Variants in GABRG2 observed in about 807,000 individuals in gnomAD.
GABRG2 encodes gamma-aminobutyric acid type A receptor subunit gamma2.
Under a neutral mutation model 56.4 loss-of-function variants are expected in GABRG2, and 16 were observed. The ratio of observed to expected loss-of-function variants is 0.28; its 90% CI spans 0.19 to 0.43. GABRG2 has a LOEUF of 0.43. Among genes scored for constraint, GABRG2 ranks in the 20% least tolerant of loss-of-function variants. The pLI, the probability that GABRG2 is intolerant of heterozygous loss-of-function variation, is 1.00. For missense variants in GABRG2, 327 were observed against 582.7 expected, an observed-to-expected ratio of 0.56 and a Z score of 4.52; for synonymous variants, 208 against 205.5, an observed-to-expected ratio of 1.01 and a Z score of -0.10.
intron 6 of GABRG2, among the ~76,000 whole-genome samples, chr5:162,138,104 C>T (rs1434275443): frequency 2.6e-5 from 4 of 151,904 alleles, no homozygotes; most frequent in African/African-American, 9.7e-5. Flanking sequence ...CACAGTCGAC[C>T]CCATAACTTT....
chr5:162,125,404 G>T (rs553910660), intron 6 of GABRG2, among the ~76,000 whole-genome samples: 3 of 150,336 alleles, frequency 2.0e-5, no homozygotes, highest in South Asian at 2.1e-4. Flanking sequence ...AGAGTGTCTG[G>T]ATTCTAGTGG....
At chr5:162,149,368 T>A in intron 8 of GABRG2, 55 bp downstream of exon 8, 3 of 1,552,480 alleles carry the variant, frequency 1.9e-6, no homozygotes, top group Non-Finnish European at 2.7e-6. Context: ...CGGTTTAGTT[T>A]GTTTTCATTA....
intron 1 of GABRG2, among the ~76,000 whole-genome samples, chr5:162,092,818 G>T (rs1760704042): frequency 6.6e-6 from 1 of 152,084 alleles, no homozygotes; most frequent in African/African-American, 2.4e-5. Flanking sequence ...TTTTAAGTTT[G>T]CATTTTTAAA....
At chr5:162,126,489 T>C (rs745549543) in intron 6 of GABRG2, among the ~76,000 whole-genome samples, 1 of 152,010 alleles carries the variant, frequency 6.6e-6, no homozygotes, top group Non-Finnish European at 1.5e-5. Flanking sequence ...CATCTTTAGA[T>C]AGAGTTAAAA....
intron 5 of GABRG2, chr5:162,102,525 GTTGTT>G (rs1247520830): frequency 2.2e-6 from 1 of 453,804 alleles, no homozygotes; most frequent in Non-Finnish European, 4.4e-6. Context: ...TGTTGTTGTT[GTTGTT>G]TTGTTTTGTT....
At chr5:162,141,125 C>T (rs995847833) in intron 6 of GABRG2, among the ~76,000 whole-genome samples, 12 of 152,234 alleles carry the variant, frequency 7.9e-5, no homozygotes, top group African/African-American at 2.9e-4. Flanking sequence ...CAAGCTCCGC[C>T]TCCCGGGTTC....
intron 1 of GABRG2, among the ~76,000 whole-genome samples, chr5:162,075,716 A>C (rs1759044067): frequency 1.3e-5 from 2 of 151,890 alleles, no homozygotes; most frequent in Non-Finnish European, 2.9e-5. Flanking sequence ...CTTTTTTTAC[A>C]GTATCTCACT....
chr5:162,152,943 C>T, intron 9 of GABRG2, 150 bp from the exon 10 acceptor site: 2 of 936,824 alleles, frequency 2.1e-6, no homozygotes, highest in Non-Finnish European at 1.7e-6. Flanking sequence ...TTTCTAAGTT[C>T]AATTTTACCA....
At chr5:162,086,592 T>G (rs1561639232) in intron 1 of GABRG2, among the ~76,000 whole-genome samples, 2 of 152,054 alleles carry the variant, frequency 1.3e-5, no homozygotes, top group Non-Finnish European at 2.9e-5. Flanking sequence ...CTTTCTTTCC[T>G]AGTTTCTGTC....
intron 6 of GABRG2, among the ~76,000 whole-genome samples, chr5:162,133,518 GC>G (rs1265061963): frequency 6.6e-6 from 1 of 152,082 alleles, no homozygotes; most frequent in African/African-American, 2.4e-5. Flanking sequence ...CCAGGAAATT[GC>G]TGTCTCTTTC....
At chr5:162,092,809 T>G (rs1760703136) in intron 1 of GABRG2, among the ~76,000 whole-genome samples, 1 of 152,164 alleles carries the variant, frequency 6.6e-6, no homozygotes, top group African/African-American at 2.4e-5. Flanking sequence ...AATGTTATAT[T>G]TTAAGTTTGC....
At chr5:162,108,859 T>C (rs777181899) in intron 6 of GABRG2, among the ~76,000 whole-genome samples, 5 of 152,156 alleles carry the variant, frequency 3.3e-5, no homozygotes, top group Non-Finnish European at 7.4e-5. Flanking sequence ...TAAGAAAACA[T>C]GATTTCTATG....
chr5:162,070,681 T>C (rs1161624302), intron 1 of GABRG2, among the ~76,000 whole-genome samples: 2 of 152,050 alleles, frequency 1.3e-5, no homozygotes, highest in African/African-American at 4.8e-5. Flanking sequence ...TAATAACTAA[T>C]ATCTCTTCTT....
intron 7 of GABRG2, among the ~76,000 whole-genome samples, chr5:162,144,832 T>G (rs1445560324): frequency 6.6e-6 from 1 of 152,190 alleles, no homozygotes; most frequent in Non-Finnish European, 1.5e-5. Context: ...GTTTTCTAGA[T>G]CAGTGCTCCT....
chr5:162,105,126 T>C (rs1212896758), intron 6 of GABRG2, among the ~76,000 whole-genome samples: 1 of 152,158 alleles, frequency 6.6e-6, no homozygotes, highest in Non-Finnish European at 1.5e-5. Context: ...ATAGGAAATA[T>C]TTTTTGCGTA....
chr5:162,142,551 A>G (rs1764651410), intron 7 of GABRG2: 1 of 423,710 alleles, frequency 2.4e-6, no homozygotes. Context: ...CATATACACC[A>G]TGGAATACTA....
rs559928377 is a variant in GABRG2, at chr5:162,149,443, G to A, written c.1128+130G>A. Reference sequence around the variant, plus strand: ...GATGAAAACAGCATGTATGAGTTTAGCCAGGCCATAACGATTCATTTACAG... The same window carrying A: ...GATGAAAACAGCATGTATGAGTTTAACCAGGCCATAACGATTCATTTACAG... On this transcript the variant is annotated intron_variant, in intron 8 of 9. Coordinates refer to ENST00000639213, the MANE Select transcript of GABRG2 (RefSeq NM_198904.4). 8 of 823,192 alleles carry A rather than the reference G, an allele frequency of 9.7e-6. No homozygotes were observed. The South Asian group carries it at 1.1e-4, about 12-fold the overall frequency. 51.0% of individuals were successfully genotyped at this position (823,192 alleles called of 1,614,324 possible).
rs1242649084 is a variant in GABRG2 at position 162,153,305 on chromosome 5, C to T, written c.1365C>T (p.Ile455=). The change falls in exon 10 of 10, where the codon ATC becomes ATT. Residue 455 remains isoleucine, a synonymous_variant. Coordinates refer to ENST00000639213, the MANE Select transcript of GABRG2 (RefSeq NM_198904.4). ...CCAAAATGGACTCCTATGCTCGGAT[C>T]TTCTTCCCCACTGCCTTCTGCCTGT... ...RIAKMDSYAR[I]FFPTAFCLFN... is the part of the protein sequence containing the mutation. 1.2e-6 allele frequency: 2 copies of T among 1,613,920 alleles called. No homozygotes were observed. The highest frequency in any genetic ancestry group is 1.7e-6 in the Non-Finnish European group (2 of 1,179,978).
intron 6 of GABRG2, among the ~76,000 whole-genome samples, chr5:162,126,504 G>A (rs969130806): frequency 3.3e-5 from 5 of 151,926 alleles, no homozygotes; most frequent in Non-Finnish European, 7.4e-5. Context: ...TTAAAACTTT[G>A]GGAAAGGCAG....
Sources: allele counts gnomAD v4.1 joint callset (sites outside exome capture counted in the v4.1 genomes callset), GRCh38; gene constraint gnomAD v4.1.1; transcripts MANE v1.5; gene names NCBI Gene and HGNC (gene_info 2026-07-23, HGNC 2026-07-21).